Variants in ADPGK observed in about 807,000 individuals in gnomAD.
The protein encoded by ADPGK is ADP dependent glucokinase, also known as ADP-dependent glucokinase.
ADPGK carries 26 observed loss-of-function variants against 42.4 expected under a neutral mutation model. That is an observed-to-expected ratio of 0.61 (90% CI 0.45 to 0.85). The LOEUF is 0.85. Among genes scored for constraint, ADPGK ranks in the 40% least tolerant of loss-of-function variants. The pLI is 0.00. For synonymous variants in ADPGK, 267 were observed against 252.6 expected, an observed-to-expected ratio of 1.06 and a Z score of -0.54; for missense variants, 571 against 627.0, an observed-to-expected ratio of 0.91 and a Z score of 0.95.
In ADPGK at chr15:72,755,543, C is replaced by A; in HGVS notation, c.939+13G>T. 1.3e-6 allele frequency: 2 copies of A among 1,599,640 alleles called. No homozygotes were observed. The highest frequency in any genetic ancestry group is 2.2e-5 in the South Asian group (2 of 90,596). On this transcript the variant is annotated intron_variant, in intron 6 of 6. Coordinates refer to ENST00000456471, the MANE Select transcript of ADPGK (RefSeq NM_001365225.1). ...ATGAGGATCAGGGCCAAACGATGGT[C>A]CCATGAGGTTACCTGATGGACAATG...
intron 1 of ADPGK, among the ~76,000 whole-genome samples, chr15:72,777,445 C>T (rs553579070): frequency 2.6e-5 from 4 of 152,094 alleles, no homozygotes; most frequent in African/African-American, 4.8e-5. Context: ...TTTGGGAGAC[C>T]GAGGCAGGTG....
chr15:72,782,541 A>C (rs1269176607), intron 1 of ADPGK, among the ~76,000 whole-genome samples: 1 of 150,976 alleles, frequency 6.6e-6, no homozygotes, highest in African/African-American at 2.4e-5. Flanking sequence ...AAAAAAAAAA[A>C]AAAAAAACCC....
intron 2 of ADPGK, among the ~76,000 whole-genome samples, chr15:72,773,357 T>C (rs2066351893): frequency 6.6e-6 from 1 of 152,228 alleles, no homozygotes; most frequent in East Asian, 1.9e-4. Context: ...AGGCTGAAAT[T>C]TGGCCCTTTA....
intron 1 of ADPGK, among the ~76,000 whole-genome samples, chr15:72,780,792 A>G (rs1299266875): frequency 1.3e-5 from 2 of 152,318 alleles, no homozygotes; most frequent in East Asian, 3.9e-4. Flanking sequence ...CAGAAAACAA[A>G]AACTAAACAA....
At chr15:72,772,880 T>C (rs751413680) in intron 2 of ADPGK, among the ~76,000 whole-genome samples, 6 of 152,162 alleles carry the variant, frequency 3.9e-5, no homozygotes, top group Non-Finnish European at 7.3e-5. Context: ...TGGATCCATA[T>C]GCCTTGGAAA....
intron 3 of ADPGK, among the ~76,000 whole-genome samples, chr15:72,771,209 G>C (rs760285838): frequency 5.9e-5 from 9 of 152,184 alleles, no homozygotes; most frequent in Non-Finnish European, 1.2e-4. Flanking sequence ...ACATGGCAAC[G>C]ATTTTTAATT....
chr15:72,766,054 C>T (rs367903761), intron 3 of ADPGK, among the ~76,000 whole-genome samples: 23 of 152,270 alleles, frequency 1.5e-4, no homozygotes, highest in East Asian at 9.7e-4. Flanking sequence ...ACAATCATAG[C>T]TCACAGTACA....
rs898989869 is a variant in ADPGK at position 72,751,935 on chromosome 15, G to T, written c.*406C>A. On this transcript the variant is annotated 3_prime_UTR_variant, in exon 7 of 7. Coordinates refer to ENST00000456471, the MANE Select transcript of ADPGK (RefSeq NM_001365225.1). ...GATCCTTGCCCATGGGCACTGAGCT[G>T]AAAGAAAGAGGAACCTCACATGAGG... The T allele has an allele frequency of 2.7e-5, 5 of 184,904 alleles. No individual in the cohort carries two copies. The highest frequency in any genetic ancestry group is 1.2e-4 in the African/African-American group (5 of 42,324). 11.5% of individuals were successfully genotyped at this position (184,904 alleles called of 1,614,324 possible).
chr15:72,766,474 G>A (rs1050913978), intron 3 of ADPGK, among the ~76,000 whole-genome samples: 3 of 152,292 alleles, frequency 2.0e-5, no homozygotes, highest in African/African-American at 7.2e-5. Context: ...AAAACACTCT[G>A]CCAGCAAAAA....
chr15:72,754,409 T>C lies in ADPGK; in HGVS notation c.939+1147A>G, dbSNP rs2066087251. 3.9e-5 allele frequency among the ~76,000 whole-genome samples: 6 copies of C among 152,336 alleles called. No individual in the cohort carries two copies. In the South Asian group the frequency reaches 1.2e-3, roughly 32 times the overall value. ...AATTTTAACATTCTGGTAGCAAGGA[T>C]ATGAGGGAACAAGTATTTGTAATTA... On this transcript the variant is annotated intron_variant, in intron 6 of 6. Transcript: ENST00000456471.
intron 1 of ADPGK, among the ~76,000 whole-genome samples, chr15:72,782,542 A>AAAG: frequency 6.6e-6 from 1 of 151,146 alleles, no homozygotes; most frequent in African/African-American, 2.4e-5. Flanking sequence ...AAAAAAAAAA[A>AAAG]AAAAAACCCC....
chr15:72,761,387 C>G (rs1024965209), intron 3 of ADPGK, among the ~76,000 whole-genome samples: 2 of 152,158 alleles, frequency 1.3e-5, no homozygotes, highest in African/African-American at 4.8e-5. Context: ...AAAATTCTCT[C>G]CCATTACTGA....
intron 2 of ADPGK, among the ~76,000 whole-genome samples, chr15:72,772,402 A>C (rs1053424485): frequency 2.6e-5 from 4 of 151,852 alleles, no homozygotes; most frequent in African/African-American, 9.7e-5. Flanking sequence ...CCATTAGGAC[A>C]CCCTCCCTTT....
At chr15:72,779,639 T>C (rs1334804730) in intron 1 of ADPGK, among the ~76,000 whole-genome samples, 1 of 152,098 alleles carries the variant, frequency 6.6e-6, no homozygotes, top group African/African-American at 2.4e-5. Flanking sequence ...CTCCTATCCT[T>C]TACTTCTTTG....
chr15:72,772,280 C>G (rs187315632), intron 2 of ADPGK, among the ~76,000 whole-genome samples: 1 of 152,316 alleles, frequency 6.6e-6, no homozygotes, highest in African/African-American at 2.4e-5. Flanking sequence ...CTTTATCTAA[C>G]CCATGTTTTC....
intron 3 of ADPGK, among the ~76,000 whole-genome samples, chr15:72,768,569 G>A (rs1164597597): frequency 1.3e-5 from 2 of 152,064 alleles, no homozygotes; most frequent in Non-Finnish European, 2.9e-5. Context: ...TCGGGAGGCT[G>A]AGGCATGAGA....
chr15:72,779,374 G>C lies in ADPGK; in HGVS notation c.233+4085C>G. 1.3e-5 allele frequency among the ~76,000 whole-genome samples: 2 copies of C among 150,442 alleles called. 1 individual carries two copies. The highest frequency in any genetic ancestry group is 4.2e-4 in the South Asian group (2 of 4,768). On this transcript the variant is annotated intron_variant, in intron 1 of 6. Coordinates refer to ENST00000456471, the MANE Select transcript of ADPGK (RefSeq NM_001365225.1). ...AGCGATTCTCCTGCCTCAGCCTCCT[G>C]AGAAGCTGGGATTACAGAAATGCAT...
rs1178704327 is a variant in ADPGK, at chr15:72,755,598, G to A, written c.897C>T (p.Ala299=). The stretch of plus-strand genomic sequence containing the variant: ...TCATGAGCTCCCTGTTAGTCATACT[G>A]GCCAGCTCTAGGTGAACTGGAATAC... ...PTGIPVHLEL[A]SMTNRELMSS... Residue 299 remains alanine (A), a synonymous_variant, in exon 6 of 7, where the codon GCC becomes GCT. Coordinates refer to ENST00000456471, the MANE Select transcript of ADPGK (RefSeq NM_001365225.1). 2 of 1,614,122 alleles carry A rather than the reference G, an allele frequency of 1.2e-6. No individual in the cohort carries two copies. Among genetic ancestry groups the A allele is most frequent in the Non-Finnish European group, 1.7e-6 (2 of 1,179,996 alleles).
chr15:72,761,234 T>C (rs1322461453), intron 3 of ADPGK, among the ~76,000 whole-genome samples: 1 of 152,182 alleles, frequency 6.6e-6, no homozygotes, highest in Non-Finnish European at 1.5e-5. Context: ...CTTTCTTTAC[T>C]CACTCACACC....
Sources: gnomAD v4.1 joint callset for allele counts (sites outside exome capture counted in the v4.1 genomes callset) on GRCh38, gnomAD v4.1.1 for gene constraint, MANE v1.5 for transcripts, NCBI Gene and HGNC (gene_info 2026-07-23, HGNC 2026-07-21) for gene names.